Variants in GPC6 observed in about 807,000 individuals in gnomAD.
GPC6 encodes the protein glypican 6.
GPC6 carries 14 observed loss-of-function variants against 55.2 expected under a neutral mutation model. The ratio of observed to expected loss-of-function variants is 0.25; its 90% CI spans 0.17 to 0.40. GPC6 has a LOEUF of 0.40. Ranked by LOEUF, GPC6 falls within the 10% of genes least tolerant of loss-of-function variation. The pLI, the probability that GPC6 is intolerant of heterozygous loss-of-function variation, is 1.00. For synonymous variants in GPC6, 278 were observed against 259.6 expected, an observed-to-expected ratio of 1.07 and a Z score of -0.68; for missense variants, 641 against 708.5, an observed-to-expected ratio of 0.90 and a Z score of 1.08.
intron 1 of GPC6, among the ~76,000 whole-genome samples, chr13:93,479,124 C>T (rs1879403661): frequency 6.6e-6 from 1 of 152,150 alleles, no homozygotes; most frequent in African/African-American, 2.4e-5. Flanking sequence ...AAAAGGAGCA[C>T]ACCTGCTTGG....
chr13:93,755,012 A>G (rs981851823), intron 2 of GPC6, among the ~76,000 whole-genome samples: 6 of 152,228 alleles, frequency 3.9e-5, no homozygotes, highest in African/African-American at 1.4e-4. Context: ...TTAAATGTAG[A>G]CAGGTACTTT....
At chr13:93,988,207 A>G (rs1227188584) in intron 3 of GPC6, among the ~76,000 whole-genome samples, 6 of 152,090 alleles carry the variant, frequency 3.9e-5, no homozygotes, top group Non-Finnish European at 8.8e-5. Context: ...TTTCTAGGTG[A>G]TTTTGATGTG....
At chr13:93,833,583 T>C (rs772610291) in intron 3 of GPC6, among the ~76,000 whole-genome samples, 5 of 151,032 alleles carry the variant, frequency 3.3e-5, no homozygotes, top group Non-Finnish European at 5.9e-5. Context: ...TTTTTTTTTC[T>C]CTTCAGTTTC....
chr13:94,260,147 A>G (rs975274531), intron 4 of GPC6, among the ~76,000 whole-genome samples: 2 of 152,194 alleles, frequency 1.3e-5, no homozygotes, highest in African/African-American at 4.8e-5. Context: ...AGAGCACATC[A>G]CAGGTGCTTC....
chr13:94,372,915 C>T (rs950324228), intron 6 of GPC6, among the ~76,000 whole-genome samples: 11 of 152,184 alleles, frequency 7.2e-5, no homozygotes, highest in South Asian at 2.1e-4. Flanking sequence ...CCCTGACCCC[C>T]AAGCAGCCTA....
intron 2 of GPC6, among the ~76,000 whole-genome samples, chr13:93,697,022 C>T (rs556913261): frequency 6.6e-6 from 1 of 152,066 alleles, no homozygotes; most frequent in Admixed American, 6.6e-5. Flanking sequence ...CCAAGGAATC[C>T]CTTTCTCCAT....
chr13:93,478,899 G>A (rs151281730), intron 1 of GPC6, among the ~76,000 whole-genome samples: 212 of 152,240 alleles, frequency 1.4e-3, no homozygotes, highest in Middle Eastern at 6.8e-3. Context: ...CTATATTATA[G>A]GCATGTTGGA....
chr13:94,305,381 G>A (rs762491067), intron 5 of GPC6, among the ~76,000 whole-genome samples: 28 of 152,116 alleles, frequency 1.8e-4, no homozygotes, highest in Non-Finnish European at 2.9e-4. Flanking sequence ...CTATAACTCA[G>A]GCTTGAAGTT....
chr13:94,153,570 C>T (rs1437817281), intron 4 of GPC6, among the ~76,000 whole-genome samples: 1 of 152,170 alleles, frequency 6.6e-6, no homozygotes, highest in African/African-American at 2.4e-5. Context: ...GTATGGCATC[C>T]ACCCAATGCT....
chr13:94,185,544 T>G (rs17791768), intron 4 of GPC6, among the ~76,000 whole-genome samples: 13,224 of 151,844 alleles, frequency 0.087, 618 homozygotes, highest in Non-Finnish European at 0.1. Flanking sequence ...GTTTTCTCAT[T>G]TATATAGCCA....
chr13:94,360,577 T>TAA (rs79401786), intron 6 of GPC6, among the ~76,000 whole-genome samples: 2 of 151,750 alleles, frequency 1.3e-5, no homozygotes, highest in South Asian at 4.2e-4. Context: ...ATAGTGGCGT[T>TAA]AAAAAAAAGG....
Position 93,952,085 on chromosome 13 carries a change from A to G in GPC6, c.712-75644A>G, listed in dbSNP as rs575621509. Among the ~76,000 whole-genome samples, 9 of 152,282 alleles carry G rather than the reference A, an allele frequency of 5.9e-5. No individual in the cohort carries two copies. The South Asian group carries it at 1.9e-3, about 32-fold the overall frequency. On this transcript the variant is annotated intron_variant, in intron 3 of 8. Transcript: ENST00000377047. Reference sequence around the variant, plus strand: ...TTAATAGTACCATTTCAGTTATCATACCAACATTTTTCTATAGGGCAGTGT... The same window carrying G: ...TTAATAGTACCATTTCAGTTATCATGCCAACATTTTTCTATAGGGCAGTGT...
chr13:93,853,402 A>G (rs1228919733), intron 3 of GPC6, among the ~76,000 whole-genome samples: 2 of 151,638 alleles, frequency 1.3e-5, no homozygotes, highest in Non-Finnish European at 3.0e-5. Flanking sequence ...TTGTCTTTCA[A>G]AAACCAAGTA....
At chr13:93,329,674 G>T (rs896441516) in intron 1 of GPC6, among the ~76,000 whole-genome samples, 11 of 152,090 alleles carry the variant, frequency 7.2e-5, no homozygotes, top group Non-Finnish European at 1.6e-4. Context: ...TGCTGTTGAT[G>T]TTTTTTGAGG....
At chr13:93,274,510 T>C (rs937123319) in intron 1 of GPC6, among the ~76,000 whole-genome samples, 8 of 152,198 alleles carry the variant, frequency 5.3e-5, no homozygotes, top group Admixed American at 5.2e-4. Context: ...ACATTTACAG[T>C]ATTGCTATAT....
intron 4 of GPC6, among the ~76,000 whole-genome samples, chr13:94,223,911 G>A (rs1402949569): frequency 6.6e-6 from 1 of 152,154 alleles, no homozygotes; most frequent in Non-Finnish European, 1.5e-5. Context: ...AGCAGTGCTA[G>A]ACATGCATGT....
intron 3 of GPC6, among the ~76,000 whole-genome samples, chr13:93,938,204 A>G (rs1878539555): frequency 6.6e-6 from 1 of 152,166 alleles, no homozygotes; most frequent in African/African-American, 2.4e-5. Flanking sequence ...CAAACAAAAA[A>G]CTCTGGAACA....
At chr13:94,274,697 T>C (rs543146693) in intron 4 of GPC6, among the ~76,000 whole-genome samples, 20 of 151,788 alleles carry the variant, frequency 1.3e-4, no homozygotes, top group African/African-American at 4.8e-4. Context: ...AAACTTAGAG[T>C]CTTGAAAAGC....
intron 2 of GPC6, among the ~76,000 whole-genome samples, chr13:93,787,338 C>T (rs549740117): frequency 6.6e-6 from 1 of 152,172 alleles, no homozygotes; most frequent in Non-Finnish European, 1.5e-5. Context: ...GACTATTCAG[C>T]TCTGCCATTA....
Sources: allele counts gnomAD v4.1 joint callset (sites outside exome capture counted in the v4.1 genomes callset), GRCh38; gene constraint gnomAD v4.1.1; transcripts MANE v1.5; gene names NCBI Gene and HGNC (gene_info 2026-07-23, HGNC 2026-07-21).